Variants in LPP observed in about 807,000 individuals in gnomAD.
LPP encodes LIM domain containing preferred translocation partner in lipoma.
LPP carries 38 observed loss-of-function variants against 60.4 expected under a neutral mutation model. The observed-to-expected ratio is 0.63, with a 90% CI of 0.49 to 0.83. The LOEUF is 0.83. LPP is among the 40% of genes least tolerant of loss of function. The pLI, the probability that LPP is intolerant of heterozygous loss-of-function variation, is 0.00. For synonymous variants in LPP, 328 were observed against 290.8 expected, an observed-to-expected ratio of 1.13 and a Z score of -1.30; for missense variants, 902 against 783.6, an observed-to-expected ratio of 1.15 and a Z score of -1.80.
intron 4 of LPP, among the ~76,000 whole-genome samples, chr3:188,431,877 T>G (rs1790975361): frequency 6.6e-6 from 1 of 152,168 alleles, no homozygotes; most frequent in Non-Finnish European, 1.5e-5. Context: ...TGAATTTAGT[T>G]AGGTTGTGAC....
chr3:188,666,996 TA>T (rs1436119253), intron 7 of LPP, among the ~76,000 whole-genome samples: 1 of 152,228 alleles, frequency 6.6e-6, no homozygotes, highest in East Asian at 1.9e-4. Flanking sequence ...AAAACAGTGA[TA>T]AAAGTTATCA....
intron 2 of LPP, among the ~76,000 whole-genome samples, chr3:188,280,412 A>G (rs941891285): frequency 6.6e-6 from 1 of 152,200 alleles, no homozygotes; most frequent in Non-Finnish European, 1.5e-5. Flanking sequence ...TGCAAATTTC[A>G]TGGACCACGA....
At chr3:188,506,886 C>T (rs1202585017) in intron 5 of LPP, among the ~76,000 whole-genome samples, 1 of 152,136 alleles carries the variant, frequency 6.6e-6, no homozygotes, top group African/African-American at 2.4e-5. Flanking sequence ...CAAGCTCCGC[C>T]TCCCGGGTTC....
At chr3:188,659,410 A>C (rs1854073217) in intron 7 of LPP, among the ~76,000 whole-genome samples, 1 of 152,240 alleles carries the variant, frequency 6.6e-6, no homozygotes, top group Non-Finnish European at 1.5e-5. Context: ...AACTGTTTTT[A>C]TGTAACCATC....
At chr3:188,526,726 T>C (rs1159651981) in intron 6 of LPP, among the ~76,000 whole-genome samples, 1 of 152,188 alleles carries the variant, frequency 6.6e-6, no homozygotes, top group Non-Finnish European at 1.5e-5. Context: ...ATCCATCCTG[T>C]GAGCAGTAAA....
At chr3:188,576,493 G>A (rs879347432) in intron 6 of LPP, among the ~76,000 whole-genome samples, 2 of 152,076 alleles carry the variant, frequency 1.3e-5, no homozygotes, top group Non-Finnish European at 2.9e-5. Flanking sequence ...GTAAGGAGAC[G>A]GGCTTGCTCA....
intron 1 of LPP, among the ~76,000 whole-genome samples, chr3:188,195,023 C>T (rs1729138686): frequency 6.6e-6 from 1 of 152,094 alleles, no homozygotes; most frequent in East Asian, 1.9e-4. Flanking sequence ...CTTTGGGAGG[C>T]CGAGGTGGGC....
At chr3:188,374,687 A>T (rs963971113) in intron 3 of LPP, among the ~76,000 whole-genome samples, 25 of 152,248 alleles carry the variant, frequency 1.6e-4, no homozygotes, top group Non-Finnish European at 3.1e-4. Context: ...TCCTAATTTA[A>T]TACCCTTTAT....
At chr3:188,353,809 T>A (rs923391497) in intron 3 of LPP, among the ~76,000 whole-genome samples, 1 of 152,224 alleles carries the variant, frequency 6.6e-6, no homozygotes, top group African/African-American at 2.4e-5. Flanking sequence ...TGCATTTCTG[T>A]CTTCTTTAAT....
At chr3:188,199,176 G>A (rs527715035) in intron 1 of LPP, among the ~76,000 whole-genome samples, 2 of 152,314 alleles carry the variant, frequency 1.3e-5, no homozygotes, top group Admixed American at 6.5e-5. Context: ...ACAGCCTGGT[G>A]GCTGCTTCCA....
At chr3:188,547,054 G>A (rs1826837767) in intron 6 of LPP, among the ~76,000 whole-genome samples, 2 of 152,206 alleles carry the variant, frequency 1.3e-5, no homozygotes, top group Admixed American at 6.5e-5. Flanking sequence ...CTGTATGGAT[G>A]CCTAGCGGAA....
chr3:188,738,027 C>T (rs1029134907), intron 8 of LPP, among the ~76,000 whole-genome samples: 3 of 152,202 alleles, frequency 2.0e-5, no homozygotes, highest in Non-Finnish European at 4.4e-5. Context: ...CTCCCACATA[C>T]ATCCCCTTTC....
At chr3:188,603,481 G>C (rs190081857) in intron 6 of LPP, among the ~76,000 whole-genome samples, 59 of 152,100 alleles carry the variant, frequency 3.9e-4, no homozygotes, top group Non-Finnish European at 8.8e-5. Flanking sequence ...CCACCTACTA[G>C]TGATGTGTCC....
chr3:188,693,211 A>G (rs1862486019), intron 7 of LPP, among the ~76,000 whole-genome samples: 1 of 152,180 alleles, frequency 6.6e-6, no homozygotes, highest in Admixed American at 6.5e-5. Flanking sequence ...TAGAACCAGA[A>G]TGGTCGGGTA....
chr3:188,340,038 G>T (rs2150636385), intron 2 of LPP, among the ~76,000 whole-genome samples: 1 of 152,306 alleles, frequency 6.6e-6, no homozygotes, highest in Non-Finnish European at 1.5e-5. Context: ...TTCGACAATT[G>T]AATTTTCTGT....
rs550717057 is a variant in LPP, at chr3:188,445,316, AG to A, written c.193+39005del. Among the ~76,000 whole-genome samples, 1,076 of 152,324 alleles carry A rather than the reference AG, an allele frequency of 7.1e-3. 15 individuals carry two copies. Among genetic ancestry groups the A allele is most frequent in the African/African-American group, 0.024 (1,004 of 41,568 alleles). On this transcript the variant is annotated intron_variant, in intron 4 of 11. Coordinates refer to ENST00000617246, the MANE Select transcript of LPP (RefSeq NM_001375462.1). ...ATGGAATACTATGCAGCCATAAAAA[AG>A]GATGAGTTCATGTCCTTTGCAGGGA...
At chr3:188,718,844 T>C (rs186604081) in intron 8 of LPP, among the ~76,000 whole-genome samples, 13 of 152,298 alleles carry the variant, frequency 8.5e-5, no homozygotes, top group African/African-American at 2.9e-4. Context: ...TATAAAATCA[T>C]AAAACGTTAG....
intron 8 of LPP, among the ~76,000 whole-genome samples, chr3:188,739,607 G>A (rs1723711062): frequency 6.6e-6 from 1 of 152,078 alleles, no homozygotes; most frequent in Admixed American, 6.6e-5. Flanking sequence ...GGAAAAGGAG[G>A]AGGGGTTATA....
intron 7 of LPP, among the ~76,000 whole-genome samples, chr3:188,644,984 C>T (rs1850839322): frequency 6.6e-6 from 1 of 152,216 alleles, no homozygotes. Flanking sequence ...GCTCTCTAAA[C>T]TTCCACTTTC....
Sources: gnomAD v4.1 joint callset for allele counts (sites outside exome capture counted in the v4.1 genomes callset) on GRCh38, gnomAD v4.1.1 for gene constraint, MANE v1.5 for transcripts, NCBI Gene and HGNC (gene_info 2026-07-23, HGNC 2026-07-21) for gene names.